ZMYM4: variants seen among roughly 807,000 people sequenced by gnomAD.
ZMYM4 encodes the protein zinc finger MYM-type containing 4.
In ZMYM4, 31 loss-of-function variants were observed where a neutral mutation model predicts 183.2. The observed-to-expected ratio is 0.17, with a 90% CI of 0.13 to 0.23. ZMYM4 has a LOEUF of 0.23. ZMYM4 is among the 10% of genes least tolerant of loss of function. The pLI is 1.00. For missense variants in ZMYM4, 1,273 were observed against 1,840.3 expected (o/e 0.69, Z 5.64); for synonymous variants, 592 against 631.2 (o/e 0.94, Z 0.93).
In ZMYM4 at chr1:35,269,045, A is replaced by G. The variant is rs539681934; in HGVS notation, c.-2A>G. The G allele has an allele frequency of 1.1e-5, 17 of 1,547,334 alleles. No individual in the cohort carries two copies. The highest frequency in any genetic ancestry group is 6.9e-5 in the African/African-American group (5 of 72,984). ...CCGCAGCGGTTCCGAGCGGGGCCCA[A>G]CATGGCGGAGAGAGAGGTGGAGTCC... is the stretch of plus-strand genomic sequence containing the variant. On this transcript the variant is annotated 5_prime_UTR_variant, in exon 1 of 30. Transcript: ENST00000314607.
chr1:35,394,992 A>G (rs1644782383), intron 18 of ZMYM4, among the ~76,000 whole-genome samples: 1 of 152,112 alleles, frequency 6.6e-6, no homozygotes, highest in Admixed American at 6.5e-5. Flanking sequence ...CTAGAAGGAA[A>G]TTCTTGATTT....
At chr1:35,272,224 A>G (rs765348280) in intron 1 of ZMYM4, among the ~76,000 whole-genome samples, 1 of 152,198 alleles carries the variant, frequency 6.6e-6, no homozygotes, top group Non-Finnish European at 1.5e-5. Context: ...CTTAGATAGT[A>G]ACTTTAGGCT....
chr1:35,291,757 T>C lies in ZMYM4; in HGVS notation c.39+22672T>C, dbSNP rs150920939. ...AGTTCAAGCGATTCTCCTGCCTCAG[T>C]CTCCCAAGTAACTGGGATTACAGGT... On this transcript the variant is annotated intron_variant, in intron 1 of 29. Transcript: ENST00000314607. 1.3e-4 allele frequency among the ~76,000 whole-genome samples: 19 copies of C among 151,724 alleles called. 2 individuals carry two copies. The highest frequency in any genetic ancestry group is 2.9e-4 in the African/African-American group (12 of 41,392).
At chr1:35,385,636 T>C (rs1485225901) in intron 10 of ZMYM4, 44 bp downstream of exon 10, 8 of 1,552,594 alleles carry the variant, frequency 5.2e-6, no homozygotes, top group Admixed American at 2.2e-5. Flanking sequence ...GGTTGAAAAA[T>C]AATGGTTATT....
At position 35,282,991 on chromosome 1, in the gene ZMYM4, T is replaced by TTG. The variant is rs1468155270; in HGVS notation, c.39+13907_39+13908insGT. 1.4e-4 allele frequency among the ~76,000 whole-genome samples: 10 copies of TTG among 73,196 alleles called. 1 individual carries two copies. Among genetic ancestry groups the TTG allele is most frequent in the African/African-American group, 8.1e-4 (9 of 11,050 alleles). 48.0% of individuals were successfully genotyped at this position (73,196 alleles called of 152,430 possible). On this transcript the variant is annotated intron_variant, in intron 1 of 29. Coordinates refer to ENST00000314607, the MANE Select transcript of ZMYM4 (RefSeq NM_005095.3). The stretch of plus-strand genomic sequence containing the variant: ...TTTCTGTGTGTGTGGTTTTTTTTTT[T>TTG]TTTTTTTTTTTTTTTTTTTTTTTTT...
At chr1:35,273,449 G>A (rs1366434495) in intron 1 of ZMYM4, among the ~76,000 whole-genome samples, 2 of 152,050 alleles carry the variant, frequency 1.3e-5, no homozygotes, top group Non-Finnish European at 2.9e-5. Flanking sequence ...TGAAGTATGA[G>A]GTCTAACTAA....
rs148646450 is a variant in ZMYM4, at chr1:35,299,005, T to C, written c.40-26355T>C. Among the ~76,000 whole-genome samples, 8 of 152,142 alleles carry C rather than the reference T, an allele frequency of 5.3e-5. No homozygotes were observed. In the East Asian group the frequency reaches 1.5e-3, roughly 29 times the overall value. On this transcript the variant is annotated intron_variant, in intron 1 of 29. Transcript: ENST00000314607. The stretch of plus-strand genomic sequence containing the variant: ...GATGAATTCTCTGTTTCTGAACAAG[T>C]ATTTATTTTGCCTTCAGTTTTGAAA...
At chr1:35,299,424 G>A (rs1281550461) in intron 1 of ZMYM4, among the ~76,000 whole-genome samples, 1 of 152,236 alleles carries the variant, frequency 6.6e-6, no homozygotes, top group Non-Finnish European at 1.5e-5. Flanking sequence ...TGGAGCATAG[G>A]GGCTCAAGGG....
Position 35,407,988 on chromosome 1 carries a change from T to C in ZMYM4, c.3797-20T>C, listed in dbSNP as rs375220109. ...GTTTGTTAAAAGTTAATGTTTCAGATGTTTTCTACCTTTCCACAGTCCGCT... is the reference window on the plus strand; with the variant it reads ...GTTTGTTAAAAGTTAATGTTTCAGACGTTTTCTACCTTTCCACAGTCCGCT... On this transcript the variant is annotated intron_variant, in intron 25 of 29. Coordinates refer to ENST00000314607, the MANE Select transcript of ZMYM4 (RefSeq NM_005095.3). The C allele has an allele frequency of 4.4e-5, 71 of 1,613,776 alleles. No individual in the cohort carries two copies. The African/African-American group carries it at 8.4e-4, about 19-fold the overall frequency.
intron 26 of ZMYM4, among the ~76,000 whole-genome samples, chr1:35,412,018 G>A (rs931315310): frequency 2.0e-5 from 3 of 151,954 alleles, no homozygotes; most frequent in Admixed American, 1.3e-4. Flanking sequence ...GAAGTAGCTG[G>A]GACTACAGGC....
chr1:35,292,085 CAG>C (rs1165321124), intron 1 of ZMYM4: 1 of 152,190 alleles, frequency 6.6e-6, no homozygotes, highest in African/African-American at 2.4e-5. Flanking sequence ...AATATACACA[CAG>C]ACATTCAGAC....
At chr1:35,335,906 C>T (rs1448914247) in intron 2 of ZMYM4, among the ~76,000 whole-genome samples, 6 of 152,112 alleles carry the variant, frequency 3.9e-5, no homozygotes, top group East Asian at 1.9e-4. Context: ...TGAGCCTGGG[C>T]GAGAGAGCGA....
chr1:35,347,640 A>G (rs1184120530), intron 2 of ZMYM4, among the ~76,000 whole-genome samples: 1 of 152,192 alleles, frequency 6.6e-6, no homozygotes, highest in Non-Finnish European at 1.5e-5. Context: ...TGAAGAGAGA[A>G]GATGAAAATA....
chr1:35,345,026 T>A (rs1643340268), intron 2 of ZMYM4, among the ~76,000 whole-genome samples: 1 of 152,236 alleles, frequency 6.6e-6, no homozygotes, highest in African/African-American at 2.4e-5. Flanking sequence ...CATTTCTCTA[T>A]CTGCACAGTC....
intron 5 of ZMYM4, among the ~76,000 whole-genome samples, chr1:35,369,740 A>G (rs1170174799): frequency 1.3e-5 from 2 of 151,878 alleles, no homozygotes; most frequent in Non-Finnish European, 2.9e-5. Flanking sequence ...ACAGTAACTT[A>G]TAATACTTTA....
intron 1 of ZMYM4, among the ~76,000 whole-genome samples, chr1:35,288,400 GA>G (rs1033866644): frequency 2.0e-5 from 3 of 152,156 alleles, no homozygotes; most frequent in Middle Eastern, 3.2e-3. Context: ...TTCCTGTGGC[GA>G]AAGGCAGCTT....
At chr1:35,366,730 G>GT (rs1186713019) in intron 5 of ZMYM4, among the ~76,000 whole-genome samples, 1 of 152,146 alleles carries the variant, frequency 6.6e-6, no homozygotes. Context: ...TAAGATTTAA[G>GT]GCCAGGTGCG....
rs551979673 is a variant in ZMYM4 at position 35,346,523 on chromosome 1, C to T, written c.86-12402C>T. 1.2e-3 allele frequency among the ~76,000 whole-genome samples: 183 copies of T among 151,878 alleles called. 1 individual carries two copies. Among genetic ancestry groups the T allele is most frequent in the African/African-American group, 4.1e-3 (169 of 41,428 alleles). On this transcript the variant is annotated intron_variant, in intron 2 of 29. Transcript: ENST00000314607. The stretch of plus-strand genomic sequence containing the variant: ...AAAATTAGCTGGGAGTGATGGCGTA[C>T]GCCTGTAATCCCAGCTACTGAGGGA...
intron 26 of ZMYM4, among the ~76,000 whole-genome samples, chr1:35,410,192 A>C (rs1471051911): frequency 1.3e-5 from 2 of 152,146 alleles, no homozygotes; most frequent in African/African-American, 4.8e-5. Flanking sequence ...GGAGAATAGC[A>C]TCAAGCCAGT....
Sources: allele counts gnomAD v4.1 joint callset (sites outside exome capture counted in the v4.1 genomes callset), GRCh38; gene constraint gnomAD v4.1.1; transcripts MANE v1.5; gene names NCBI Gene and HGNC (gene_info 2026-07-23, HGNC 2026-07-21).